FANCI: variants seen among roughly 807,000 people sequenced by gnomAD.
FANCI encodes the protein FA complementation group I.
In FANCI, 156 loss-of-function variants were observed where a neutral mutation model predicts 176.1. The ratio of observed to expected loss-of-function variants is 0.89; its 90% confidence interval spans 0.78 to 1.01. The LOEUF (loss-of-function observed/expected upper bound fraction) is 1.01, where lower values mean the gene tolerates loss of function less well. Ranked by LOEUF, FANCI falls within the 50% of genes least tolerant of loss-of-function variation. The pLI is 0.00. For synonymous variants in FANCI, 613 were observed against 541.7 expected (o/e 1.13, Z -1.83); for missense variants, 1,678 against 1,534.1 (o/e 1.09, Z -1.57).
At chr15:89,255,932 ATTC>A (rs1462590378) in intron 2 of FANCI, among the ~76,000 whole-genome samples, 3 of 152,184 alleles carry the variant, frequency 2.0e-5, no homozygotes, top group Non-Finnish European at 4.4e-5. Flanking sequence ...CTCTGTGCAA[ATTC>A]TTCTCCCCTT....
chr15:89,247,825 T>A, intron 2 of FANCI, 94 bp downstream of exon 2: 3 of 938,414 alleles, frequency 3.2e-6, no homozygotes, highest in Admixed American at 1.8e-5. Context: ...CGCTGCTTCT[T>A]CATCTACTCC....
chr15:89,311,913 G>C (rs1037984460), intron 34 of FANCI, among the ~76,000 whole-genome samples: 18 of 152,150 alleles, frequency 1.2e-4, no homozygotes, highest in Non-Finnish European at 2.5e-4. Context: ...TTTCTCCCCA[G>C]TCTCTCCTGA....
intron 19 of FANCI, among the ~76,000 whole-genome samples, chr15:89,290,773 G>A (rs2054032527): frequency 6.6e-6 from 1 of 151,978 alleles, no homozygotes; most frequent in Non-Finnish European, 1.5e-5. Context: ...CTACCAGGAG[G>A]GTTCCTTTAG....
At chr15:89,259,795 G>A (rs957751914) in intron 3 of FANCI, among the ~76,000 whole-genome samples, 12 of 152,132 alleles carry the variant, frequency 7.9e-5, no homozygotes, top group Admixed American at 7.2e-4. Flanking sequence ...TGTTACAAAG[G>A]TTCCTCTATG....
chr15:89,285,206 C>A lies in FANCI; in HGVS notation c.1809C>A (p.Leu603=), dbSNP rs1365142503. 7 of 1,614,028 alleles carry A rather than the reference C, an allele frequency of 4.3e-6. No individual in the cohort carries two copies. The highest frequency in any genetic ancestry group is 5.9e-6 in the Non-Finnish European group (7 of 1,180,008). ...RCLSQQADVR[L]MLYEGFYDVL... ...TAAGCCAGCAAGCTGATGTTCGACT[C>A]ATGCTTTATGAGGTAAGTCCGTAGA... The change falls in exon 18 of 38, where the codon CTC becomes CTA. Residue 603 remains leucine, a synonymous_variant. Transcript: ENST00000310775.
rs202135041 is a variant in FANCI, at chr15:89,299,914, T to C, written c.2751T>C (p.Ser917=). ...LCLEGLQKIF[S]AVQQFYQPKI... ...TGGAGGGTTTACAGAAAATATTCAG[T>C]GCTGTGCAACAGTTCTATCAGCCCA... Residue 917 remains serine (S), a synonymous_variant, in exon 25 of 38, where the codon AGT becomes AGC. Coordinates refer to ENST00000310775, the MANE Select transcript of FANCI (RefSeq NM_001113378.2). 6.0e-5 allele frequency: 97 copies of C among 1,614,100 alleles called. No homozygotes were observed. The highest frequency in any genetic ancestry group is 1.3e-4 in the Admixed American group (8 of 60,026).
rs572665348 is a variant in FANCI, at chr15:89,312,992, C to A, written c.3720+20C>A. On this transcript the variant is annotated intron_variant, in intron 35 of 37. Transcript: ENST00000310775. ...GCCATGGTAAGCTGCTGACACTGAC[C>A]GTTAAAATATGCTTGTTGGTGAACC... The A allele has an allele frequency of 3.7e-6, 6 of 1,611,528 alleles. No homozygotes were observed. The highest frequency in any genetic ancestry group is 5.1e-6 in the Non-Finnish European group (6 of 1,178,072).
chr15:89,273,750 T>C (rs934227741), intron 11 of FANCI, among the ~76,000 whole-genome samples: 3 of 133,660 alleles, frequency 2.2e-5, no homozygotes, highest in African/African-American at 4.9e-5. Context: ...ACAGCCCCAG[T>C]TGGAGGAAGG....
chr15:89,281,801 T>G lies in FANCI; in HGVS notation c.1549T>G (p.Leu517Val), dbSNP rs773498609. ...AGTCAGCATGTCAATGAGAGACTGC[T>G]TGATACTTGTCCTTCGGAAAGCTAT... ...LKVSMSMRDC[L>V]ILVLRKAMFA... Residue 517 changes from leucine (L) to valine (V), a missense_variant, in exon 16 of 38, where the codon TTG (leucine) becomes GTG (valine). By Grantham distance (32) the Leu-to-Val change is conservative. This residue lies in a region of FANCI where 1,204 missense variants were observed against 1,077.4 expected (regional missense o/e 1.12). Transcript: ENST00000310775. The G allele has an allele frequency of 6.2e-7, 1 of 1,613,968 alleles. No homozygotes were observed. Among genetic ancestry groups the G allele is most frequent in the South Asian group, 1.1e-5 (1 of 91,078 alleles).
intron 20 of FANCI, 27 bp downstream of exon 20, chr15:89,291,741 A>G (rs758316813): frequency 1.5e-5 from 24 of 1,570,872 alleles, no homozygotes; most frequent in Non-Finnish European, 1.9e-5. Context: ...TCCTTCAACC[A>G]TTATTTTTAG....
intron 34 of FANCI, among the ~76,000 whole-genome samples, chr15:89,310,554 C>A (rs2054914594): frequency 6.6e-6 from 1 of 152,212 alleles, no homozygotes; most frequent in Admixed American, 6.5e-5. Context: ...GCCTTACTGA[C>A]AAGTCAGCTG....
chr15:89,247,022 G>C (rs2052017027), intron 1 of FANCI, among the ~76,000 whole-genome samples: 1 of 150,002 alleles, frequency 6.7e-6, no homozygotes, highest in Non-Finnish European at 1.5e-5. Context: ...GCCCTCCTCA[G>C]CCTCCCAAAG....
chr15:89,272,103 A>G (rs2053222726), intron 10 of FANCI, among the ~76,000 whole-genome samples: 2 of 152,216 alleles, frequency 1.3e-5, no homozygotes, highest in African/African-American at 4.8e-5. Flanking sequence ...GTCTTGGCCA[A>G]CATTTGTTAT....
chr15:89,274,411 G>T, intron 12 of FANCI, 107 bp downstream of exon 12: 1 of 1,245,504 alleles, frequency 8.0e-7, no homozygotes. Context: ...TGACTTAACA[G>T]CTGTTGACGT....
intron 20 of FANCI, among the ~76,000 whole-genome samples, chr15:89,291,983 ACTAAAT>A (rs1392726075): frequency 5.9e-5 from 9 of 152,182 alleles, no homozygotes; most frequent in Non-Finnish European, 1.0e-4. Context: ...GATTACATTC[ACTAAAT>A]AAATGTACTT....
intron 2 of FANCI, among the ~76,000 whole-genome samples, chr15:89,250,530 C>T (rs898360536): frequency 1.9e-4 from 26 of 138,072 alleles, no homozygotes; most frequent in Admixed American, 4.1e-4. Context: ...GAACATCACA[C>T]ACCGGGGCCT....
At chr15:89,289,811 C>T (rs1424136934) in intron 18 of FANCI, among the ~76,000 whole-genome samples, 1 of 151,866 alleles carries the variant, frequency 6.6e-6, no homozygotes. Context: ...ATACCTCAGC[C>T]TCCCGAGTAG....
Position 89,294,988 on chromosome 15 carries a change from A to T in FANCI, c.2530A>T (p.Asn844Tyr). Reference protein sequence around the residue: ...SSNEFMRYAVNVALQKVQQLK... With the variant: ...SSNEFMRYAVYVALQKVQQLK... ...CAATGAGTTTATGCGCTATGCAGTG[A>T]ATGTAGCTCTGCAGAAAGTACAGCA... Residue 844 changes from asparagine to tyrosine, a missense_variant, in exon 24 of 38, where the codon AAT becomes TAT. Physicochemically the swap from Asn to Tyr is moderately radical, Grantham distance 143. Around this residue, in one of 3 missense-constraint regions of FANCI, gnomAD observed 1,204 missense variants for 1,077.4 expected, o/e 1.12. Coordinates refer to ENST00000310775, the MANE Select transcript of FANCI (RefSeq NM_001113378.2). 1.3e-6 allele frequency: 2 copies of T among 1,552,348 alleles called. No homozygotes were observed. The highest frequency in any genetic ancestry group is 4.9e-5 in the East Asian group (2 of 40,928).
intron 24 of FANCI, among the ~76,000 whole-genome samples, chr15:89,298,061 T>G (rs1260711468): frequency 6.6e-6 from 1 of 151,782 alleles, no homozygotes; most frequent in East Asian, 1.9e-4. Context: ...CAGCCCTCTC[T>G]CCATAGTCAA....
Sources: allele counts gnomAD v4.1 joint callset (sites outside exome capture counted in the v4.1 genomes callset), GRCh38; gene constraint gnomAD v4.1.1; regional missense constraint gnomAD v4.1.1; transcripts MANE v1.5; gene names NCBI Gene and HGNC (gene_info 2026-07-23, HGNC 2026-07-21).